The following PCDHA5 variants were observed in gnomAD, a reference collection of about 807,000 sequenced individuals.
The protein encoded by PCDHA5 is protocadherin alpha-5.
In PCDHA5, 43 loss-of-function variants were observed where a neutral mutation model predicts 61.6. The observed-to-expected ratio is 0.70, with a 90% CI of 0.55 to 0.90. PCDHA5 has a LOEUF of 0.90. Ranked by LOEUF, PCDHA5 falls within the 40% of genes least tolerant of loss-of-function variation. The pLI is 0.00. For synonymous variants in PCDHA5, 627 were observed against 543.9 expected (o/e 1.15, Z -2.13); for missense variants, 1,298 against 1,222.7 (o/e 1.06, Z -0.92).
chr5:140,841,294 A>C, intron 1 of PCDHA5: 1 of 1,563,306 alleles, frequency 6.4e-7, no homozygotes, highest in Non-Finnish European at 8.6e-7. Flanking sequence ...TTAAGATAAT[A>C]TTTTCTGATA....
At chr5:140,853,548 C>T in intron 1 of PCDHA5, 1 of 978,800 alleles carries the variant, frequency 1.0e-6, no homozygotes. Flanking sequence ...GTTGTAATTA[C>T]TATATAGGAA....
chr5:140,869,481 TAACG>T (rs1306564737), intron 1 of PCDHA5: 1 of 1,613,970 alleles, frequency 6.2e-7, no homozygotes, highest in African/African-American at 1.3e-5. Flanking sequence ...TGAAGGACAT[TAACG>T]ACAACCCGCC....
Position 140,823,630 on chromosome 5 carries a change from A to G in PCDHA5, c.1855A>G (p.Ile619Val). The stretch of plus-strand genomic sequence containing the variant: ...GCAGCCAGCGCCTGGCAGTGCGCGC[A>G]TCCCGTTCCGCGTGGGGCTGTACAC... ...ELQPAPGSARIPFRVGLYTGE... is the reference protein window; with the variant it reads ...ELQPAPGSARVPFRVGLYTGE... The change falls in exon 1 of 4, where the codon ATC becomes GTC. Residue 619 changes from isoleucine to valine, a missense_variant. Physicochemically the swap from Ile to Val is conservative, Grantham distance 29. Transcript: ENST00000529859. The G allele has an allele frequency of 1.2e-6, 2 of 1,614,062 alleles. No homozygotes were observed. The highest frequency in any genetic ancestry group is 1.7e-6 in the Non-Finnish European group (2 of 1,179,954).
chr5:140,996,403 G>A (rs2097725218), intron 3 of PCDHA5, among the ~76,000 whole-genome samples: 2 of 152,216 alleles, frequency 1.3e-5, no homozygotes, highest in South Asian at 4.1e-4. Context: ...AGTTTCAGGT[G>A]GGGCAGGCAG....
Position 140,871,133 on chromosome 5 carries a change from C to A in PCDHA5, c.2352+47006C>A, listed in dbSNP as rs1156390839. On this transcript the variant is annotated intron_variant, in intron 1 of 3. Transcript: ENST00000529859. ...GTGGAGAGCGGACAGGCGCCAAAGG[C>A]CTCTTCCCGGACTTTGGCGGGCGCC... 29 of 1,613,274 alleles carry A rather than the reference C, an allele frequency of 1.8e-5. No homozygotes were observed. Among genetic ancestry groups the A allele is most frequent in the Non-Finnish European group, 2.5e-5 (29 of 1,179,916 alleles).
chr5:140,840,342 G>C (rs1167042274), intron 1 of PCDHA5, among the ~76,000 whole-genome samples: 2 of 151,918 alleles, frequency 1.3e-5, no homozygotes, highest in African/African-American at 4.8e-5. Flanking sequence ...CAATGTTAGG[G>C]TATACAGGTA....
At chr5:140,983,184 T>C (rs1367703446) in intron 3 of PCDHA5, among the ~76,000 whole-genome samples, 2 of 152,192 alleles carry the variant, frequency 1.3e-5, no homozygotes, top group Non-Finnish European at 2.9e-5. Flanking sequence ...CACAATTTCT[T>C]AGTTTAGAGG....
intron 1 of PCDHA5, chr5:140,825,329 C>T (rs1171364068): frequency 6.9e-6 from 1 of 145,626 alleles, no homozygotes; most frequent in South Asian, 2.1e-4. Flanking sequence ...TGGAAATTTG[C>T]ATATTTTTCA....
At chr5:140,970,562 A>G (rs1406680335) in intron 1 of PCDHA5, among the ~76,000 whole-genome samples, 1 of 152,156 alleles carries the variant, frequency 6.6e-6, no homozygotes, top group African/African-American at 2.4e-5. Flanking sequence ...TCGTCTCCAT[A>G]TGTATGCTTG....
At position 141,010,536 on chromosome 5, in the gene PCDHA5, T is replaced by A; in HGVS notation, c.*599T>A. On this transcript the variant is annotated 3_prime_UTR_variant, in exon 4 of 4. Transcript: ENST00000529859. ...AACTCAAGAGGTGGCAGCCACCCTC[T>A]AGGAGACAAAACTACCCCCACTGAC... 1 of 381,624 alleles carries A rather than the reference T, an allele frequency of 2.6e-6. No homozygotes were observed. The highest frequency in any genetic ancestry group is 4.6e-6 in the Non-Finnish European group (1 of 218,036). 23.6% of individuals were successfully genotyped at this position (381,624 alleles called of 1,614,324 possible).
intron 3 of PCDHA5, among the ~76,000 whole-genome samples, chr5:140,993,704 A>G (rs1032326931): frequency 3.3e-5 from 5 of 152,172 alleles, no homozygotes; most frequent in African/African-American, 1.2e-4. Flanking sequence ...TTGTAATACC[A>G]TATTTTTACT....
chr5:140,848,364 G>C lies in PCDHA5; in HGVS notation c.2352+24237G>C, dbSNP rs916399183. On this transcript the variant is annotated intron_variant, in intron 1 of 3. Transcript: ENST00000529859. ...AATACAGCCCTTTTCCCATGGGAAA[G>C]AGGCTCAATTCTTTTTCACTCTCTC... 35 of 1,077,596 alleles carry C rather than the reference G, an allele frequency of 3.2e-5. 3 individuals are homozygous for C. Among genetic ancestry groups the C allele is most frequent in the African/African-American group, 4.7e-5 (3 of 63,656 alleles). 66.8% of individuals were successfully genotyped at this position (1,077,596 alleles called of 1,614,324 possible). A position where few individuals can be genotyped will look rare whatever the true frequency, so the allele number is the denominator to read the frequency against.
chr5:140,976,427 T>C (rs2096715861), intron 1 of PCDHA5, among the ~76,000 whole-genome samples: 1 of 152,064 alleles, frequency 6.6e-6, no homozygotes, highest in Admixed American at 6.5e-5. Flanking sequence ...GGCAGATGCC[T>C]GTAATCCCAG....
chr5:140,860,223 A>G (rs2046279598), intron 1 of PCDHA5: 1 of 150,246 alleles, frequency 6.7e-6, no homozygotes, highest in African/African-American at 2.4e-5. Context: ...TTATGTATAT[A>G]TAAGCCAGGC....
At position 140,967,914 on chromosome 5, in the gene PCDHA5, T is replaced by C. The variant is rs1376293284; in HGVS notation, c.2353-11035T>C. On this transcript the variant is annotated intron_variant, in intron 1 of 3. Coordinates refer to ENST00000529859, the MANE Select transcript of PCDHA5 (RefSeq NM_018908.3). ...CCTGAGAATGCTACACCCAACACCA[T>C]TGTGGCCGTTCTCAGTGTCAATGAC... 1.2e-5 allele frequency: 20 copies of C among 1,614,060 alleles called. No individual in the cohort carries two copies. The highest frequency in any genetic ancestry group is 3.3e-5 in the South Asian group (3 of 91,086).
At chr5:140,828,717 A>G in intron 1 of PCDHA5, 7 of 1,614,226 alleles carry the variant, frequency 4.3e-6, no homozygotes, top group Non-Finnish European at 5.9e-6. Context: ...CCTGCACACA[A>G]CTTATTCCTG....
At chr5:141,003,160 C>T (rs1383713910) in intron 3 of PCDHA5, among the ~76,000 whole-genome samples, 3 of 152,200 alleles carry the variant, frequency 2.0e-5, no homozygotes. Context: ...CCTGATCAAT[C>T]CTAGTCCCTG....
In PCDHA5 at chr5:140,915,626, GTCTCTCTC is replaced by G. The variant is rs57920489; in HGVS notation, c.2353-63300_2353-63293del. ...ACTTTCTGTCAAACAGTCTCTTTCT[GTCTCTCTC>G]TCTCTCTCTCTCTCTCTCTCTCAAG... is the stretch of plus-strand genomic sequence containing the variant. On this transcript the variant is annotated intron_variant, in intron 1 of 3. Transcript: ENST00000529859. Among the ~76,000 whole-genome samples, 662 of 146,534 alleles carry G rather than the reference GTCTCTCTC, an allele frequency of 4.5e-3. 3 individuals are homozygous for G. The highest frequency in any genetic ancestry group is 0.016 in the African/African-American group (641 of 39,750).
chr5:140,911,745 A>G (rs573838491), intron 1 of PCDHA5, among the ~76,000 whole-genome samples: 7 of 151,408 alleles, frequency 4.6e-5, no homozygotes, highest in Non-Finnish European at 1.0e-4. Flanking sequence ...AAGGACTATC[A>G]GTGTTCTCCA....
Sources: gnomAD v4.1 joint callset for allele counts (sites outside exome capture counted in the v4.1 genomes callset) on GRCh38, gnomAD v4.1.1 for gene constraint, MANE v1.5 for transcripts, NCBI Gene and HGNC (gene_info 2026-07-23, HGNC 2026-07-21) for gene names.